KATNAL2: variants seen among roughly 807,000 people sequenced by gnomAD.
KATNAL2 encodes the protein katanin p60 ATPase-containing subunit A-like 2.
In KATNAL2, 52 loss-of-function variants were observed where a neutral mutation model predicts 76.3. The ratio of observed to expected loss-of-function variants is 0.68; its 90% CI spans 0.55 to 0.86. The LOEUF (loss-of-function observed/expected upper bound fraction) is 0.86. Among genes scored for constraint, KATNAL2 ranks in the 40% least tolerant of loss-of-function variants. The pLI is 0.00. For missense variants in KATNAL2, 660 were observed against 668.9 expected (o/e 0.99, Z 0.15); for synonymous variants, 243 against 244.2 (o/e 1.00, Z 0.05).
chr18:47,031,181 A>C (rs1426488061), intron 3 of KATNAL2, among the ~76,000 whole-genome samples: 1 of 148,144 alleles, frequency 6.8e-6, no homozygotes, highest in African/African-American at 2.5e-5. Flanking sequence ...TCTTGGAAGA[A>C]ATGCTTCAGG....
Position 46,917,644 on chromosome 18 carries a change from G to A in KATNAL2, c.-792G>A. ...CGCCCGCCCGCGCCTGCCCCGGCGTGCTGCCCCGCGGCTTGGCCCCGCTCG... is the reference window on the plus strand; with the variant it reads ...CGCCCGCCCGCGCCTGCCCCGGCGTACTGCCCCGCGGCTTGGCCCCGCTCG... On this transcript the variant is annotated 5_prime_UTR_variant, in exon 1 of 18. Coordinates refer to ENST00000683218, the MANE Select transcript of KATNAL2 (RefSeq NM_001387690.1). 6 of 788,210 alleles carry A rather than the reference G, an allele frequency of 7.6e-6. No homozygotes were observed. In the South Asian group the frequency reaches 2.9e-4, roughly 38 times the overall value. The allele number at this position is 788,210 out of a possible 1,614,324, so 48.8% of individuals were successfully genotyped here.
At chr18:47,086,806 G>A (rs1162010354) in intron 15 of KATNAL2, among the ~76,000 whole-genome samples, 1 of 152,204 alleles carries the variant, frequency 6.6e-6, no homozygotes, top group Admixed American at 6.5e-5. Flanking sequence ...GTCCAGTGGG[G>A]AAGGCACATG....
intron 4 of KATNAL2, among the ~76,000 whole-genome samples, chr18:47,048,135 A>C (rs2061220754): frequency 6.6e-6 from 1 of 152,210 alleles, no homozygotes; most frequent in Admixed American, 6.5e-5. Flanking sequence ...TCTGACGCAC[A>C]GGACAGCCCC....
chr18:47,094,549 G>C (rs1312216481), intron 15 of KATNAL2, among the ~76,000 whole-genome samples: 3 of 152,114 alleles, frequency 2.0e-5, no homozygotes, highest in Admixed American at 6.5e-5. Flanking sequence ...TTATGAGAGG[G>C]GTACATTAAC....
chr18:47,045,003 C>CA (rs2061107465), intron 3 of KATNAL2, among the ~76,000 whole-genome samples: 1 of 151,662 alleles, frequency 6.6e-6, no homozygotes, highest in South Asian at 2.1e-4. Context: ...GAGACTGAAG[C>CA]AGAAGGATCA....
intron 15 of KATNAL2, among the ~76,000 whole-genome samples, chr18:47,091,526 T>C (rs1308297147): frequency 5.3e-5 from 8 of 152,226 alleles, no homozygotes; most frequent in Admixed American, 5.2e-4. Context: ...GCATAAAGAA[T>C]GATTCCTGGG....
intron 10 of KATNAL2, 64 bp from the exon 11 acceptor site, chr18:47,066,957 C>A: frequency 2.4e-6 from 2 of 837,620 alleles, no homozygotes; most frequent in Non-Finnish European, 3.6e-6. Context: ...CTGCTGCTCC[C>A]AAGTTTATTA....
chr18:47,046,483 A>C lies in KATNAL2; in HGVS notation c.78A>C (p.Arg26=). 1 of 1,536,026 alleles carries C rather than the reference A, an allele frequency of 6.5e-7. No individual in the cohort carries two copies. The highest frequency in any genetic ancestry group is 1.2e-5 in the South Asian group (1 of 84,048). The part of the protein sequence containing the change: ...EACEMRTEAR[R]KNLLILISHY... Reference sequence around the variant, plus strand: ...GCGAGATGAGGACAGAAGCACGACGAAAAAATCTTCTCATTTTGATTTCGC... The same window carrying C: ...GCGAGATGAGGACAGAAGCACGACGCAAAAATCTTCTCATTTTGATTTCGC... Residue 26 remains arginine (R), a synonymous_variant, in exon 4 of 18, where the codon CGA becomes CGC. Coordinates refer to ENST00000683218, the MANE Select transcript of KATNAL2 (RefSeq NM_001387690.1).
chr18:47,036,981 T>C (rs1227569274), intron 3 of KATNAL2, among the ~76,000 whole-genome samples: 2 of 152,236 alleles, frequency 1.3e-5, no homozygotes, highest in Admixed American at 6.5e-5. Flanking sequence ...GGTATATATA[T>C]TCAACCTTTT....
At chr18:46,931,105 A>ATAG (rs1295374290) in intron 1 of KATNAL2, among the ~76,000 whole-genome samples, 2 of 106,044 alleles carry the variant, frequency 1.9e-5, no homozygotes, top group East Asian at 2.4e-4. Flanking sequence ...GTCTCAGGAA[A>ATAG]TAATAATAAT....
intron 15 of KATNAL2, among the ~76,000 whole-genome samples, chr18:47,087,595 G>A (rs925363365): frequency 6.6e-6 from 1 of 152,084 alleles, no homozygotes; most frequent in African/African-American, 2.4e-5. Flanking sequence ...TAACTATTGG[G>A]TACTGGGCTT....
intron 15 of KATNAL2, among the ~76,000 whole-genome samples, chr18:47,090,702 C>T (rs1288161981): frequency 6.6e-6 from 1 of 152,098 alleles, no homozygotes; most frequent in East Asian, 1.9e-4. Flanking sequence ...AAACATGACT[C>T]GACTTTTGAT....
intron 15 of KATNAL2, among the ~76,000 whole-genome samples, chr18:47,088,970 C>T (rs2062888258): frequency 6.6e-6 from 1 of 152,202 alleles, no homozygotes; most frequent in African/African-American, 2.4e-5. Flanking sequence ...TCCCTGGTGC[C>T]TTCCATTGCT....
At chr18:47,038,134 A>G (rs944195215) in intron 3 of KATNAL2, among the ~76,000 whole-genome samples, 1 of 152,202 alleles carries the variant, frequency 6.6e-6, no homozygotes, top group African/African-American at 2.4e-5. Flanking sequence ...AGTACCTGCC[A>G]TTTTGCAGAA....
intron 4 of KATNAL2, among the ~76,000 whole-genome samples, chr18:47,049,529 T>C (rs962687172): frequency 1.3e-5 from 2 of 152,154 alleles, no homozygotes; most frequent in African/African-American, 4.8e-5. Context: ...TACAGAATAT[T>C]AATAGGTGTT....
chr18:47,062,980 C>G lies in KATNAL2; in HGVS notation c.558C>G (p.Ile186Met), dbSNP rs1454356586. 2 of 1,613,814 alleles carry G rather than the reference C, an allele frequency of 1.2e-6. No homozygotes were observed. Among genetic ancestry groups the G allele is most frequent in the Non-Finnish European group, 1.7e-6 (2 of 1,179,786 alleles). ...CCATTCCTCCCTTTCAGGGCCAAAT[C>G]ATTGACTTCCAAGGGCTGCTCACAG... The part of the protein sequence containing the change: ...EENAHPRRGQ[I>M]IDFQGLLTDA... Residue 186 changes from isoleucine to methionine, a missense_variant, in exon 9 of 18, where the codon ATC becomes ATG. Ile to Met is a conservative substitution (Grantham distance 10). Transcript: ENST00000683218.
intron 1 of KATNAL2, among the ~76,000 whole-genome samples, chr18:46,919,029 GTGTT>G (rs1348995518): frequency 6.6e-6 from 1 of 150,612 alleles, no homozygotes; most frequent in African/African-American, 2.5e-5. Context: ...GTGTGTGTGT[GTGTT>G]GTGTATATAT....
At chr18:47,041,566 GTC>G (rs1219395034) in intron 3 of KATNAL2, among the ~76,000 whole-genome samples, 2 of 152,150 alleles carry the variant, frequency 1.3e-5, no homozygotes, top group African/African-American at 4.8e-5. Flanking sequence ...ATATTCCATT[GTC>G]TGAGTATACC....
chr18:46,959,271 C>T (rs1367439042), intron 3 of KATNAL2, among the ~76,000 whole-genome samples: 1 of 152,194 alleles, frequency 6.6e-6, no homozygotes, highest in Non-Finnish European at 1.5e-5. Flanking sequence ...GTTTTAAGTG[C>T]TCTGTTCCGC....
Sources: allele counts gnomAD v4.1 joint callset (sites outside exome capture counted in the v4.1 genomes callset), GRCh38; gene constraint gnomAD v4.1.1; transcripts MANE v1.5; gene names NCBI Gene and HGNC (gene_info 2026-07-23, HGNC 2026-07-21).